JMY: variants seen among roughly 807,000 people sequenced by gnomAD.
The protein encoded by JMY is junction mediating and regulatory protein, p53 cofactor.
JMY carries 46 observed loss-of-function variants against 103.3 expected under a neutral mutation model. The ratio of observed to expected loss-of-function variants is 0.45; its 90% CI spans 0.35 to 0.57. The LOEUF (loss-of-function observed/expected upper bound fraction) is 0.57. Among genes scored for constraint, JMY ranks in the 20% least tolerant of loss-of-function variants. The pLI, the probability that JMY is intolerant of heterozygous loss-of-function variation, is 0.00. For synonymous variants in JMY, 526 were observed against 489.3 expected, an observed-to-expected ratio of 1.07 and a Z score of -0.99; for missense variants, 1,238 against 1,255.2, an observed-to-expected ratio of 0.99 and a Z score of 0.21.
At chr5:79,254,246 C>G (rs191681232) in intron 1 of JMY, among the ~76,000 whole-genome samples, 50 of 152,112 alleles carry the variant, frequency 3.3e-4, no homozygotes, top group African/African-American at 1.1e-3. Flanking sequence ...CATGAGCCAT[C>G]ACGCCCCAGC....
chr5:79,277,057 T>C (rs1455406710), intron 1 of JMY, among the ~76,000 whole-genome samples: 1 of 152,180 alleles, frequency 6.6e-6, no homozygotes, highest in Non-Finnish European at 1.5e-5. Flanking sequence ...ATAAAACTTT[T>C]ATTTATAATT....
At chr5:79,282,875 A>G (rs1175314293) in intron 2 of JMY, among the ~76,000 whole-genome samples, 1 of 152,070 alleles carries the variant, frequency 6.6e-6, no homozygotes, top group African/African-American at 2.4e-5. Context: ...TAGTCTAAGG[A>G]TTTATAGAAG....
At chr5:79,289,252 AAG>A (rs1158854424) in intron 2 of JMY, among the ~76,000 whole-genome samples, 3 of 151,584 alleles carry the variant, frequency 2.0e-5, no homozygotes, top group South Asian at 4.2e-4. Flanking sequence ...AAAAAAAAAA[AAG>A]GAGAATATGG....
intron 2 of JMY, among the ~76,000 whole-genome samples, chr5:79,280,101 C>G (rs182980797): frequency 6.6e-6 from 1 of 152,284 alleles, no homozygotes; most frequent in African/African-American, 2.4e-5. Flanking sequence ...ACCTTGATTG[C>G]CCAAAGTGCT....
chr5:79,324,777 T>C lies in JMY; in HGVS notation c.*3175T>C, dbSNP rs1747577272. 3 of 152,488 alleles carry C rather than the reference T, an allele frequency of 2.0e-5. No individual in the cohort carries two copies. The highest frequency in any genetic ancestry group is 1.3e-4 in the Admixed American group (2 of 15,266). 9.4% of individuals were successfully genotyped at this position (152,488 alleles called of 1,614,324 possible). ...CTTCATTGTGGAACTGAAATATTTC[T>C]GTAATGCATTTTTTAAAAGGAGACT... On this transcript the variant is annotated 3_prime_UTR_variant, in exon 11 of 11. Transcript: ENST00000396137.
At position 79,300,372 on chromosome 5, in the gene JMY, A is replaced by G. The variant is rs78934585; in HGVS notation, c.1693+54A>G. 4,920 of 1,423,880 alleles carry G rather than the reference A, an allele frequency of 3.5e-3. 157 individuals carry two copies. The African/African-American group carries it at 0.061, about 18-fold the overall frequency. 88.2% of individuals were successfully genotyped at this position (1,423,880 alleles called of 1,614,324 possible). A position where few individuals can be genotyped will look rare whatever the true frequency, so the allele number is the denominator to read the frequency against. On this transcript the variant is annotated intron_variant, in intron 5 of 10. Transcript: ENST00000396137. ...CACCAAAGATTGAATACATGAGAAA[A>G]TACTTATGGACTAGGTATGTTTCTT... is the stretch of plus-strand genomic sequence containing the variant.
Position 79,324,194 on chromosome 5 carries a change from C to T in JMY, c.*2592C>T, listed in dbSNP as rs1747556920. On this transcript the variant is annotated 3_prime_UTR_variant, in exon 11 of 11. Transcript: ENST00000396137. Reference sequence around the variant, plus strand: ...ATTTTAAAGTAGCTTCAGAACCCAACAAAAATTATGTAAGCCTGGTTAAAT... The same window carrying T: ...ATTTTAAAGTAGCTTCAGAACCCAATAAAAATTATGTAAGCCTGGTTAAAT... The T allele has an allele frequency of 6.6e-6, 1 of 152,168 alleles. No individual in the cohort carries two copies. Among genetic ancestry groups the T allele is most frequent in the Non-Finnish European group, 1.5e-5 (1 of 68,018 alleles). 9.4% of individuals were successfully genotyped at this position (152,168 alleles called of 1,614,324 possible). A position where few individuals can be genotyped will look rare whatever the true frequency, so the allele number is the denominator to read the frequency against.
At chr5:79,312,841 A>G (rs1260208456) in intron 8 of JMY, among the ~76,000 whole-genome samples, 2 of 152,172 alleles carry the variant, frequency 1.3e-5, no homozygotes, top group Non-Finnish European at 2.9e-5. Flanking sequence ...TTTATTCCAC[A>G]TACATCAGCC....
At chr5:79,319,415 AGAC>A (rs1419175507) in intron 10 of JMY, among the ~76,000 whole-genome samples, 1 of 152,210 alleles carries the variant, frequency 6.6e-6, no homozygotes, top group East Asian at 1.9e-4. Context: ...AGCAAACCAT[AGAC>A]TAGTATGGAC....
intron 1 of JMY, among the ~76,000 whole-genome samples, chr5:79,254,100 C>T (rs1745168779): frequency 1.4e-5 from 2 of 146,550 alleles, no homozygotes; most frequent in Admixed American, 1.4e-4. Flanking sequence ...GTGCCCACCA[C>T]CACGCCCAGC....
chr5:79,277,739 G>A (rs1412853565), intron 1 of JMY, among the ~76,000 whole-genome samples, 171 bp from the exon 2 acceptor site: 1 of 152,174 alleles, frequency 6.6e-6, no homozygotes, highest in Non-Finnish European at 1.5e-5. Context: ...CTTGAGTAGT[G>A]AGACACCAGA....
At chr5:79,247,613 G>A (rs536415608) in intron 1 of JMY, among the ~76,000 whole-genome samples, 12 of 151,890 alleles carry the variant, frequency 7.9e-5, no homozygotes, top group Non-Finnish European at 1.2e-4. Flanking sequence ...CACCTTGCCC[G>A]GCCCCTGCTA....
Position 79,314,562 on chromosome 5 carries a change from TAAC to T in JMY, c.2374_2376del (p.Asn792del), listed in dbSNP as rs776225247. The stretch of plus-strand genomic sequence containing the variant: ...CCACTATATCTCTTCCACTTTTGAA[TAAC>T]AACCTCGAACCATGTTCTGTTACCA... On this transcript the variant is annotated inframe_deletion, in exon 9 of 11. Coordinates refer to ENST00000396137, the MANE Select transcript of JMY (RefSeq NM_152405.5). The T allele has an allele frequency of 5.6e-6, 9 of 1,614,154 alleles. No homozygotes were observed. The highest frequency in any genetic ancestry group is 5.9e-6 in the Non-Finnish European group (7 of 1,180,022).
At chr5:79,305,219 A>C (rs756008083) in intron 6 of JMY, among the ~76,000 whole-genome samples, 1 of 152,210 alleles carries the variant, frequency 6.6e-6, no homozygotes, top group Admixed American at 6.5e-5. Context: ...TGGGAGGTCA[A>C]GGTGGGCAGA....
chr5:79,307,609 C>G (rs1187297636), intron 7 of JMY, among the ~76,000 whole-genome samples: 2 of 151,980 alleles, frequency 1.3e-5, no homozygotes, highest in African/African-American at 4.8e-5. Context: ...CTGGCTTTTA[C>G]TGTTGTTTTA....
chr5:79,310,475 TC>T (rs1363897660), intron 7 of JMY, among the ~76,000 whole-genome samples: 3 of 152,186 alleles, frequency 2.0e-5, no homozygotes, highest in Non-Finnish European at 4.4e-5. Context: ...AAATAACTAG[TC>T]ATCTTTAACA....
intron 2 of JMY, among the ~76,000 whole-genome samples, chr5:79,281,487 C>T (rs914580986): frequency 1.9e-4 from 28 of 150,614 alleles, no homozygotes; most frequent in African/African-American, 6.4e-4. Context: ...GATTTTTCAG[C>T]TCCAATATAA....
At chr5:79,313,336 C>T (rs1009940705) in intron 8 of JMY, among the ~76,000 whole-genome samples, 2 of 152,022 alleles carry the variant, frequency 1.3e-5, no homozygotes, top group African/African-American at 4.8e-5. Context: ...GGAGGATTAC[C>T]TGAGCCAGGG....
intron 10 of JMY, among the ~76,000 whole-genome samples, chr5:79,320,503 G>A (rs74471211): frequency 1.2e-4 from 18 of 152,020 alleles, no homozygotes; most frequent in African/African-American, 3.4e-4. Flanking sequence ...GTAGAGAGGG[G>A]TTTCACCATG....
Sources: gnomAD v4.1 joint callset for allele counts (sites outside exome capture counted in the v4.1 genomes callset) on GRCh38, gnomAD v4.1.1 for gene constraint, MANE v1.5 for transcripts, NCBI Gene and HGNC (gene_info 2026-07-23, HGNC 2026-07-21) for gene names.